Variants in ZNF865 observed in about 807,000 individuals in gnomAD.
ZNF865 encodes zinc finger protein 865.
For missense variants in ZNF865, 1,311 were observed against 1,593.4 expected, an observed-to-expected ratio of 0.82 and a Z score of 3.02; for synonymous variants, 763 against 750.8, an observed-to-expected ratio of 1.02 and a Z score of -0.27.
Position 55,616,369 on chromosome 19 carries a change from C to T in ZNF865, c.2751C>T (p.Ser917=). The T allele has an allele frequency of 6.6e-7, 1 of 1,517,802 alleles. No individual in the cohort carries two copies. The highest frequency in any genetic ancestry group is 8.8e-7 in the Non-Finnish European group (1 of 1,138,252). The allele number at this position is 1,517,802 out of a possible 1,614,324, so 94.0% of individuals were successfully genotyped here. A position where few individuals can be genotyped will look rare whatever the true frequency, so the allele number is the denominator to read the frequency against. ...GVCAKRFAQS[S]SLAEHRRLHA... is the part of the protein sequence containing the mutation. ...GCGCCAAGCGCTTCGCGCAGTCGTCCAGCCTGGCAGAGCACCGGCGGCTGC... is the reference window on the plus strand; with the variant it reads ...GCGCCAAGCGCTTCGCGCAGTCGTCTAGCCTGGCAGAGCACCGGCGGCTGC... Residue 917 remains serine, a synonymous_variant, in exon 2 of 2, where the codon TCC becomes TCT. Transcript: ENST00000568956.
chr19:55,608,451 A>G (rs1354810292), intron 1 of ZNF865, among the ~76,000 whole-genome samples: 1 of 151,208 alleles, frequency 6.6e-6, no homozygotes, highest in Non-Finnish European at 1.5e-5. Flanking sequence ...AGTAGCTGGG[A>G]TTACAGGCAT....
In ZNF865 at chr19:55,616,668, T is replaced by C; in HGVS notation, c.3050T>C (p.Phe1017Ser). ...HLAAHQGGRP[F>S]RCSSCGEGFA... Reference sequence around the variant, plus strand: ...GCTGCCCACCAGGGCGGCCGGCCCTTCCGCTGCTCCTCCTGCGGCGAGGGC... The same window carrying C: ...GCTGCCCACCAGGGCGGCCGGCCCTCCCGCTGCTCCTCCTGCGGCGAGGGC... The change falls in exon 2 of 2, where the codon TTC (phenylalanine) becomes TCC (serine). Residue 1017 changes from phenylalanine (F) to serine (S), a missense_variant. Phe to Ser is a radical substitution (Grantham distance 155). Coordinates refer to ENST00000568956, the MANE Select transcript of ZNF865 (RefSeq NM_001195605.2). 1 of 1,529,796 alleles carries C rather than the reference T, an allele frequency of 6.5e-7. No individual in the cohort carries two copies. The highest frequency in any genetic ancestry group is 8.7e-7 in the Non-Finnish European group (1 of 1,144,156). The allele number at this position is 1,529,796 out of a possible 1,614,324, so 94.8% of individuals were successfully genotyped here.
chr19:55,607,065 A>G (rs1343511745), intron 1 of ZNF865, among the ~76,000 whole-genome samples: 1 of 152,152 alleles, frequency 6.6e-6, no homozygotes, highest in Non-Finnish European at 1.5e-5. Flanking sequence ...GAACAAGAGG[A>G]AGGAAGCTTT....
At chr19:55,609,002 T>C (rs1295140483) in intron 1 of ZNF865, among the ~76,000 whole-genome samples, 1 of 152,196 alleles carries the variant, frequency 6.6e-6, no homozygotes, top group Non-Finnish European at 1.5e-5. Flanking sequence ...CTGCCACTAG[T>C]TAACAATGTG....
Position 55,615,255 on chromosome 19 carries a change from C to A in ZNF865, c.1637C>A (p.Pro546Gln), listed in dbSNP as rs1172330578. ...GCGGGAGGCTCGGGCGCCAGCGTCCCAGGAAAGACGTTCTGCTGCGGCATC... is the reference window on the plus strand; with the variant it reads ...GCGGGAGGCTCGGGCGCCAGCGTCCAAGGAAAGACGTTCTGCTGCGGCATC... ...SGAGGSGASV[P>Q]GKTFCCGICG... Residue 546 changes from proline (P) to glutamine (Q), a missense_variant, in exon 2 of 2, where the codon CCA (proline) becomes CAA (glutamine). Coordinates refer to ENST00000568956, the MANE Select transcript of ZNF865 (RefSeq NM_001195605.2). The A allele has an allele frequency of 6.6e-7, 1 of 1,519,668 alleles. No homozygotes were observed. Among genetic ancestry groups the A allele is most frequent in the South Asian group, 1.2e-5 (1 of 82,014 alleles). The allele number at this position is 1,519,668 out of a possible 1,614,324, so 94.1% of individuals were successfully genotyped here. A position where few individuals can be genotyped will look rare whatever the true frequency, so the allele number is the denominator to read the frequency against.
chr19:55,608,560 T>A (rs556244579), intron 1 of ZNF865, among the ~76,000 whole-genome samples: 2 of 152,064 alleles, frequency 1.3e-5, no homozygotes, highest in African/African-American at 4.8e-5. Context: ...GTGATCCGCC[T>A]GCCTTGGCCT....
chr19:55,617,226 C>T lies in ZNF865; in HGVS notation c.*428C>T, dbSNP rs1317623140. The T allele has an allele frequency of 1.2e-5, 2 of 163,632 alleles. No homozygotes were observed. The highest frequency in any genetic ancestry group is 6.4e-5 in the Admixed American group (1 of 15,558). The allele number at this position is 163,632 out of a possible 1,614,324, so 10.1% of individuals were successfully genotyped here. On this transcript the variant is annotated 3_prime_UTR_variant, in exon 2 of 2. Transcript: ENST00000568956. The stretch of plus-strand genomic sequence containing the variant: ...GGGGTGGGGGGCGGGGTGGCAGACG[C>T]GGCTTGTACAGAGCGGAGAATAATA...
chr19:55,614,595 C>T lies in ZNF865; in HGVS notation c.977C>T (p.Ser326Phe), dbSNP rs1981276517. 2 of 1,522,010 alleles carry T rather than the reference C, an allele frequency of 1.3e-6. No individual in the cohort carries two copies. The highest frequency in any genetic ancestry group is 1.8e-6 in the Non-Finnish European group (2 of 1,140,324). 94.3% of individuals were successfully genotyped at this position (1,522,010 alleles called of 1,614,324 possible). ...GCCACGCCCGTGGCGCCTGCCCCCT[C>T]CGCAGACGGGAGCGCCGCCCCTGCT... ...PPATPVAPAP[S>F]ADGSAAPAGV... The change falls in exon 2 of 2, where the codon TCC (serine) becomes TTC (phenylalanine). Residue 326 changes from serine (S) to phenylalanine (F), a missense_variant. Coordinates refer to ENST00000568956, the MANE Select transcript of ZNF865 (RefSeq NM_001195605.2). The surrounding 1 kb of genome is among the most constrained non-coding windows in gnomAD (Gnocchi z 8.0).
In ZNF865 at chr19:55,611,125, A is replaced by C. The variant is rs745625593; in HGVS notation, c.-26-2468A>C. Among the ~76,000 whole-genome samples the C allele has an allele frequency of 1.3e-5, 2 of 152,100 alleles. No individual in the cohort carries two copies. The highest frequency in any genetic ancestry group is 2.9e-5 in the Non-Finnish European group (2 of 68,006). On this transcript the variant is annotated intron_variant, in intron 1 of 1. Transcript: ENST00000568956. The surrounding 1 kb of genome is among the most constrained non-coding windows in gnomAD (Gnocchi z 4.5). Reference sequence around the variant, plus strand: ...AGACTCCTACTCCGTGACCATGGCAACTCACTTTGCCTCTCCATGCCTTAG... The same window carrying C: ...AGACTCCTACTCCGTGACCATGGCACCTCACTTTGCCTCTCCATGCCTTAG...
Position 55,614,939 on chromosome 19 carries a change from T to C in ZNF865, c.1321T>C (p.Tyr441His). The C allele has an allele frequency of 6.7e-7, 1 of 1,485,514 alleles. No individual in the cohort carries two copies. Among genetic ancestry groups the C allele is most frequent in the Non-Finnish European group, 8.9e-7 (1 of 1,124,198 alleles). The allele number at this position is 1,485,514 out of a possible 1,614,324, so 92.0% of individuals were successfully genotyped here. Residue 441 changes from tyrosine (Y) to histidine (H), a missense_variant, in exon 2 of 2, where the codon TAC becomes CAC. Physicochemically the swap from Tyr to His is moderately conservative, Grantham distance 83. Coordinates refer to ENST00000568956, the MANE Select transcript of ZNF865 (RefSeq NM_001195605.2). This position sits in a 1 kb window ranked among gnomAD's most constrained non-coding sequence, Gnocchi z 8.0. ...GAGAGGPRPVYPCDLCGKSYS... is the reference protein window; with the variant it reads ...GAGAGGPRPVHPCDLCGKSYS... ...GGGCGCCGGGGGGCCTCGGCCCGTG[T>C]ACCCCTGCGACCTGTGCGGCAAGTC... is the stretch of plus-strand genomic sequence containing the variant.
rs1342146665 is a variant in ZNF865 at position 55,615,828 on chromosome 19, C to T, written c.2210C>T (p.Pro737Leu). The change falls in exon 2 of 2, where the codon CCG (proline) becomes CTG (leucine). Residue 737 changes from proline to leucine, a missense_variant. Pro to Leu is a moderately conservative substitution (Grantham distance 98). Transcript: ENST00000568956. Reference sequence around the variant, plus strand: ...CCCGCACCCGGCGGCCTGCAGCCCCCGGACGGCTCCAGCGGCACGGATGCG... The same window carrying T: ...CCCGCACCCGGCGGCCTGCAGCCCCTGGACGGCTCCAGCGGCACGGATGCG... ...LPPAPGGLQP[P>L]DGSSGTDAAS... 2.9e-5 allele frequency: 44 copies of T among 1,507,218 alleles called. No individual in the cohort carries two copies. The highest frequency in any genetic ancestry group is 4.3e-5 in the African/African-American group (3 of 70,256). The allele number at this position is 1,507,218 out of a possible 1,614,324, so 93.4% of individuals were successfully genotyped here. A position where few individuals can be genotyped will look rare whatever the true frequency, so the allele number is the denominator to read the frequency against.
chr19:55,614,019 C>T lies in ZNF865; in HGVS notation c.401C>T (p.Pro134Leu), dbSNP rs1981243614. The change falls in exon 2 of 2, where the codon CCT becomes CTT. Residue 134 changes from proline to leucine, a missense_variant. Physicochemically the swap from Pro to Leu is moderately conservative, Grantham distance 98 (BLOSUM62 -3). Coordinates refer to ENST00000568956, the MANE Select transcript of ZNF865 (RefSeq NM_001195605.2). The surrounding 1 kb of genome is among the most constrained non-coding windows in gnomAD (Gnocchi z 8.0). ...PPLPPAFGAPPPPLFDAAFPT... is the reference protein window; with the variant it reads ...PPLPPAFGAPLPPLFDAAFPT... Reference sequence around the variant, plus strand: ...CTGCCGCCCGCCTTCGGGGCGCCCCCTCCTCCCCTCTTTGACGCTGCTTTC... The same window carrying T: ...CTGCCGCCCGCCTTCGGGGCGCCCCTTCCTCCCCTCTTTGACGCTGCTTTC... 2 of 1,502,198 alleles carry T rather than the reference C, an allele frequency of 1.3e-6. No individual in the cohort carries two copies. Among genetic ancestry groups the T allele is most frequent in the Non-Finnish European group, 1.8e-6 (2 of 1,129,220 alleles). 93.1% of individuals were successfully genotyped at this position (1,502,198 alleles called of 1,614,324 possible). A position where few individuals can be genotyped will look rare whatever the true frequency, so the allele number is the denominator to read the frequency against.
In ZNF865 at chr19:55,614,215, G is replaced by A. The variant is rs1315413443; in HGVS notation, c.597G>A (p.Ala199=). The part of the protein sequence containing the change: ...APSQTPPGPP[A]AAACDPTKDD... Reference sequence around the variant, plus strand: ...CGCAGACCCCGCCAGGACCCCCCGCGGCGGCGGCCTGCGACCCCACCAAGG... The same window carrying A: ...CGCAGACCCCGCCAGGACCCCCCGCAGCGGCGGCCTGCGACCCCACCAAGG... The change falls in exon 2 of 2, where the codon GCG becomes GCA. Residue 199 remains alanine (A), a synonymous_variant. Coordinates refer to ENST00000568956, the MANE Select transcript of ZNF865 (RefSeq NM_001195605.2). This position sits in a 1 kb window ranked among gnomAD's most constrained non-coding sequence, Gnocchi z 8.0. 1.3e-6 allele frequency: 2 copies of A among 1,506,022 alleles called. No homozygotes were observed. The highest frequency in any genetic ancestry group is 2.1e-5 in the Admixed American group (1 of 47,910). The allele number at this position is 1,506,022 out of a possible 1,614,324, so 93.3% of individuals were successfully genotyped here. A position where few individuals can be genotyped will look rare whatever the true frequency, so the allele number is the denominator to read the frequency against.
rs1425941063 is a variant in ZNF865, at chr19:55,614,258, C to T, written c.640C>T (p.Arg214Trp). The part of the protein sequence containing the change: ...DPTKDDKGYF[R>W]RLKYLMERRF... ...CACCAAGGACGACAAGGGCTACTTC[C>T]GGAGACTGAAGTACCTGATGGAGCG... The change falls in exon 2 of 2, where the codon CGG becomes TGG. Residue 214 changes from arginine (R) to tryptophan (W), a missense_variant. Transcript: ENST00000568956. This position sits in a 1 kb window ranked among gnomAD's most constrained non-coding sequence, Gnocchi z 8.0. 5 of 1,515,906 alleles carry T rather than the reference C, an allele frequency of 3.3e-6. No individual in the cohort carries two copies. The Admixed American group carries it at 6.1e-5, about 19-fold the overall frequency. The allele number at this position is 1,515,906 out of a possible 1,614,324, so 93.9% of individuals were successfully genotyped here. A position where few individuals can be genotyped will look rare whatever the true frequency, so the allele number is the denominator to read the frequency against.
chr19:55,615,151 G>A lies in ZNF865; in HGVS notation c.1533G>A (p.Ala511=), dbSNP rs926787292. The change falls in exon 2 of 2, where the codon GCG becomes GCA. Residue 511 remains alanine (A), a synonymous_variant. Coordinates refer to ENST00000568956, the MANE Select transcript of ZNF865 (RefSeq NM_001195605.2). ...TDSEKAAAAA[A]AVVYGAVPVP... ...GCGAGAAGGCGGCGGCGGCCGCGGC[G>A]GCGGTGGTGTACGGCGCTGTGCCCG... 6.5e-6 allele frequency: 8 copies of A among 1,225,872 alleles called. No individual in the cohort carries two copies. The highest frequency in any genetic ancestry group is 4.9e-5 in the African/African-American group (3 of 61,618). 75.9% of individuals were successfully genotyped at this position (1,225,872 alleles called of 1,614,324 possible).
In ZNF865 at chr19:55,616,633, T is replaced by G. The variant is rs1414013176; in HGVS notation, c.3015T>G (p.Arg1005=). ...CCTTCAAGGATCCCGGCTACTTCCG[T>G]AAGCACCTGGCTGCCCACCAGGGCG... ...LKAFKDPGYF[R]KHLAAHQGGR... Residue 1005 remains arginine (R), a synonymous_variant, in exon 2 of 2, where the codon CGT becomes CGG. Coordinates refer to ENST00000568956, the MANE Select transcript of ZNF865 (RefSeq NM_001195605.2). The G allele has an allele frequency of 3.9e-6, 6 of 1,527,538 alleles. No individual in the cohort carries two copies. The East Asian group carries it at 1.5e-4, about 37-fold the overall frequency. The allele number at this position is 1,527,538 out of a possible 1,614,324, so 94.6% of individuals were successfully genotyped here.
chr19:55,615,241 G>C lies in ZNF865; in HGVS notation c.1623G>C (p.Ser541=), dbSNP rs1445857015. 3.3e-6 allele frequency: 5 copies of C among 1,511,406 alleles called. No individual in the cohort carries two copies. The South Asian group carries it at 3.7e-5, about 11-fold the overall frequency. 93.6% of individuals were successfully genotyped at this position (1,511,406 alleles called of 1,614,324 possible). A position where few individuals can be genotyped will look rare whatever the true frequency, so the allele number is the denominator to read the frequency against. The part of the protein sequence containing the change: ...GGAGTSGAGG[S]GASVPGKTFC... ...CGGGGACCAGCGGGGCGGGAGGCTC[G>C]GGCGCCAGCGTCCCAGGAAAGACGT... Residue 541 remains serine (S), a synonymous_variant, in exon 2 of 2, where the codon TCG becomes TCC. Coordinates refer to ENST00000568956, the MANE Select transcript of ZNF865 (RefSeq NM_001195605.2).
At chr19:55,612,715 T>G (rs1305528443) in intron 1 of ZNF865, 1 of 152,198 alleles carries the variant, frequency 6.6e-6, no homozygotes, top group East Asian at 1.9e-4. Context: ...AACCGCCCCC[T>G]AAGAGCCTTG....
Position 55,609,472 on chromosome 19 carries a change from C to T in ZNF865, c.-27+3740C>T, listed in dbSNP as rs1354914658. 2.6e-5 allele frequency among the ~76,000 whole-genome samples: 4 copies of T among 152,204 alleles called. No homozygotes were observed. The East Asian group carries it at 5.8e-4, about 22-fold the overall frequency. ...AAGAGTGCTGGGCTGGTAGAAAGCA[C>T]ACATCCAGTGTTATATGCGCACGTT... On this transcript the variant is annotated intron_variant, in intron 1 of 1. Transcript: ENST00000568956.
Sources: allele counts gnomAD v4.1 joint callset (sites outside exome capture counted in the v4.1 genomes callset), GRCh38; gene constraint gnomAD v4.1.1; non-coding constraint Gnocchi (gnomAD v3.1); transcripts MANE v1.5; gene names NCBI Gene and HGNC (gene_info 2026-07-23, HGNC 2026-07-21).